SATB1: variants seen among roughly 807,000 people sequenced by gnomAD.
The protein encoded by SATB1 is SATB homeobox 1, also known as DNA-binding protein SATB1.
A neutral mutation model predicts 86.9 loss-of-function variants in SATB1; 11 were observed. The observed-to-expected ratio is 0.13, with a 90% CI of 0.08 to 0.21. The LOEUF (loss-of-function observed/expected upper bound fraction) is 0.21, where lower values mean the gene tolerates loss of function less well. SATB1 is among the 10% of genes least tolerant of loss of function. The pLI is 1.00. For synonymous variants in SATB1, 357 were observed against 357.2 expected (o/e 1.00, Z 0.01); for missense variants, 551 against 937.6 (o/e 0.59, Z 5.39).
At chr3:18,388,413 T>C (rs998947881) in intron 7 of SATB1, among the ~76,000 whole-genome samples, 1 of 152,182 alleles carries the variant, frequency 6.6e-6, no homozygotes. Context: ...AAAAATGTAC[T>C]TGACAAAGCA....
rs1275185392 is a variant in SATB1 at position 18,345,734 on chromosome 3, A to C, written c.*3436T>G. On this transcript the variant is annotated 3_prime_UTR_variant, in exon 11 of 11. Transcript: ENST00000338745. ...ATGCAAATTTCCAACTTGCTTTAAC[A>C]CAACAGTTCTATCAGCTGTATTAGA... is the stretch of plus-strand genomic sequence containing the variant. 1 of 152,096 alleles carries C rather than the reference A, an allele frequency of 6.6e-6. No individual in the cohort carries two copies. Among genetic ancestry groups the C allele is most frequent in the African/African-American group, 2.4e-5 (1 of 41,436 alleles). 9.4% of individuals were successfully genotyped at this position (152,096 alleles called of 1,614,324 possible). A position where few individuals can be genotyped will look rare whatever the true frequency, so the allele number is the denominator to read the frequency against.
At chr3:18,351,810 A>C (rs1694376522) in intron 10 of SATB1, 182 bp downstream of exon 10, 1 of 617,536 alleles carries the variant, frequency 1.6e-6, no homozygotes, top group African/African-American at 1.8e-5. Flanking sequence ...AACACGATAC[A>C]TACGCTGGAA....
At chr3:18,417,904 T>G (rs1421584069) in intron 2 of SATB1, among the ~76,000 whole-genome samples, 3 of 152,128 alleles carry the variant, frequency 2.0e-5, no homozygotes, top group Non-Finnish European at 4.4e-5. Context: ...TTTATATATT[T>G]TAATCCAATA....
Position 18,352,312 on chromosome 3 carries a change from C to G in SATB1, c.1576-117G>C, listed in dbSNP as rs1694405890. On this transcript the variant is annotated intron_variant, in intron 9 of 10. Transcript: ENST00000338745. This position sits in a 1 kb window ranked among gnomAD's most constrained non-coding sequence, Gnocchi z 4.1. The stretch of plus-strand genomic sequence containing the variant: ...AACTTTTTCATAAGCTCAGAACACA[C>G]CATTCTGCTTTAAAAATTGTTTTTA... 2.5e-6 allele frequency: 2 copies of G among 798,902 alleles called. No individual in the cohort carries two copies. Among genetic ancestry groups the G allele is most frequent in the African/African-American group, 3.5e-5 (2 of 57,432 alleles). The allele number at this position is 798,902 out of a possible 1,614,324, so 49.5% of individuals were successfully genotyped here.
chr3:18,374,833 T>C (rs921703863), intron 9 of SATB1, among the ~76,000 whole-genome samples: 1 of 152,216 alleles, frequency 6.6e-6, no homozygotes, highest in African/African-American at 2.4e-5. Flanking sequence ...CTGAACCTCT[T>C]GCTTAGCACA....
Position 18,348,441 on chromosome 3 carries a change from A to G in SATB1, c.*729T>C, listed in dbSNP as rs1026360739. The G allele has an allele frequency of 6.6e-6, 1 of 152,600 alleles. No individual in the cohort carries two copies. Among genetic ancestry groups the G allele is most frequent in the Non-Finnish European group, 1.5e-5 (1 of 68,022 alleles). 9.5% of individuals were successfully genotyped at this position (152,600 alleles called of 1,614,324 possible). A position where few individuals can be genotyped will look rare whatever the true frequency, so the allele number is the denominator to read the frequency against. ...GTATGGTAACAAGAGAAGCAATATT[A>G]CATTTAACGGAAACTTCCAAAAAAT... On this transcript the variant is annotated 3_prime_UTR_variant, in exon 11 of 11. Coordinates refer to ENST00000338745, the MANE Select transcript of SATB1 (RefSeq NM_002971.6).
intron 9 of SATB1, among the ~76,000 whole-genome samples, chr3:18,364,402 T>A (rs1187435373): frequency 6.6e-6 from 1 of 152,158 alleles, no homozygotes. Context: ...TTTATAGTGA[T>A]GGGCATAAAT....
At position 18,348,906 on chromosome 3, in the gene SATB1, A is replaced by C; in HGVS notation, c.*264T>G. ...CTGGTTTCATGCTTACGGGGTACAC[A>C]CTTTGGTGCATCCCGTGAACACAAA... On this transcript the variant is annotated 3_prime_UTR_variant, in exon 11 of 11. Coordinates refer to ENST00000338745, the MANE Select transcript of SATB1 (RefSeq NM_002971.6). 4.0e-6 allele frequency: 2 copies of C among 497,598 alleles called. No individual in the cohort carries two copies. Among genetic ancestry groups the C allele is most frequent in the South Asian group, 2.6e-5 (1 of 38,604 alleles). The allele number at this position is 497,598 out of a possible 1,614,324, so 30.8% of individuals were successfully genotyped here. A position where few individuals can be genotyped will look rare whatever the true frequency, so the allele number is the denominator to read the frequency against.
Position 18,394,833 on chromosome 3 carries a change from C to T in SATB1, c.835G>A (p.Ala279Thr). 6.2e-7 allele frequency: 1 copy of T among 1,614,046 alleles called. No homozygotes were observed. ...FGQQPVPGNT[A>T]EQPPSPAQLS... is the part of the protein sequence containing the mutation. ...TGCGCAGGGGATGGAGGCTGCTCGG[C>T]TGTGTTCCCTGGAACTGGTTGCTGG... is the stretch of plus-strand genomic sequence containing the variant. The change falls in exon 7 of 11, where the codon GCC becomes ACC. Residue 279 changes from alanine (A) to threonine (T), a missense_variant. Physicochemically the swap from Ala to Thr is moderately conservative, Grantham distance 58. Around this residue, in one of 8 missense-constraint regions of SATB1, gnomAD observed 119 missense variants for 171.1 expected, o/e 0.70. Coordinates refer to ENST00000338745, the MANE Select transcript of SATB1 (RefSeq NM_002971.6). The surrounding 1 kb of genome is among the most constrained non-coding windows in gnomAD (Gnocchi z 5.9).
At chr3:18,410,321 T>A (rs1169284828) in intron 5 of SATB1, among the ~76,000 whole-genome samples, 3 of 152,054 alleles carry the variant, frequency 2.0e-5, no homozygotes, top group Non-Finnish European at 4.4e-5. Context: ...GGCTTTCATT[T>A]TGTCTTTTTT....
intron 2 of SATB1, among the ~76,000 whole-genome samples, chr3:18,419,164 G>T (rs775368999): frequency 1.8e-4 from 28 of 152,164 alleles, no homozygotes; most frequent in Admixed American, 3.9e-4. Flanking sequence ...CGGCTATAAA[G>T]TGACAATAGT....
In SATB1 at chr3:18,348,306, T is replaced by C. The variant is rs1413197895; in HGVS notation, c.*864A>G. 1 of 152,656 alleles carries C rather than the reference T, an allele frequency of 6.6e-6. No individual in the cohort carries two copies. The highest frequency in any genetic ancestry group is 2.4e-5 in the African/African-American group (1 of 41,452). The allele number at this position is 152,656 out of a possible 1,614,324, so 9.5% of individuals were successfully genotyped here. A position where few individuals can be genotyped will look rare whatever the true frequency, so the allele number is the denominator to read the frequency against. ...TATAGTATGAATTGCTTGGATAACATAGAGCACTTTTTATAGGCAACTGTG... is the reference window on the plus strand; with the variant it reads ...TATAGTATGAATTGCTTGGATAACACAGAGCACTTTTTATAGGCAACTGTG... On this transcript the variant is annotated 3_prime_UTR_variant, in exon 11 of 11. Transcript: ENST00000338745.
In SATB1 at chr3:18,374,490, T is replaced by C. The variant is rs562953635; in HGVS notation, c.1575+3680A>G. On this transcript the variant is annotated intron_variant, in intron 9 of 10. Transcript: ENST00000338745. ...TTATTTGAATACCCAGAATATAAAG[T>C]GTATTCATTTGTAGCTACTCACATT... is the stretch of plus-strand genomic sequence containing the variant. Among the ~76,000 whole-genome samples, 3 of 152,308 alleles carry C rather than the reference T, an allele frequency of 2.0e-5. No homozygotes were observed. In the South Asian group the frequency reaches 6.2e-4, roughly 32 times the overall value.
At chr3:18,362,860 CAAAAA>C (rs35470564) in intron 9 of SATB1, among the ~76,000 whole-genome samples, 6 of 32,294 alleles carry the variant, frequency 1.9e-4, no homozygotes, top group African/African-American at 3.1e-4. Context: ...ATGCCATGTG[CAAAAA>C]AAAAAAAAAA....
chr3:18,351,839 T>C (rs1694378212), intron 10 of SATB1, 153 bp downstream of exon 10: 1 of 683,094 alleles, frequency 1.5e-6, no homozygotes, highest in Non-Finnish European at 2.5e-6. Flanking sequence ...TTAATATTCA[T>C]TTTATCCCCC....
intron 1 of SATB1, chr3:18,438,515 G>A (rs2125207599): frequency 6.6e-6 from 1 of 152,308 alleles, no homozygotes; most frequent in Non-Finnish European, 1.5e-5. Flanking sequence ...ACTGTGGCTG[G>A]AGTCCTGATT....
At chr3:18,365,209 T>C (rs1695124915) in intron 9 of SATB1, among the ~76,000 whole-genome samples, 1 of 152,216 alleles carries the variant, frequency 6.6e-6, no homozygotes, top group South Asian at 2.1e-4. Context: ...AGATTGGGCT[T>C]ACAATTTCTG....
upstream of SATB1, among the ~76,000 whole-genome samples, chr3:18,442,449 A>G (rs1414952168): frequency 6.6e-6 from 1 of 152,204 alleles, no homozygotes; most frequent in Admixed American, 6.5e-5. Context: ...AAAACTATGA[A>G]GTAGTAAGTG....
intron 4 of SATB1, 67 bp downstream of exon 4, chr3:18,415,940 G>A: frequency 1.4e-6 from 2 of 1,436,220 alleles, no homozygotes; most frequent in East Asian, 2.4e-5. Flanking sequence ...CGACCAGAGA[G>A]AAATGCTTCA....
Sources: allele counts gnomAD v4.1 joint callset (sites outside exome capture counted in the v4.1 genomes callset), GRCh38; gene constraint gnomAD v4.1.1; regional missense constraint gnomAD v4.1.1; non-coding constraint Gnocchi (gnomAD v3.1); transcripts MANE v1.5; gene names NCBI Gene and HGNC (gene_info 2026-07-23, HGNC 2026-07-21).